Variants in SARS1 observed in about 807,000 individuals in gnomAD.
SARS1 encodes seryl-tRNA synthetase 1.
A neutral mutation model predicts 63.7 loss-of-function variants in SARS1; 25 were observed. That is an observed-to-expected ratio of 0.39 (90% CI 0.29 to 0.55). The LOEUF is 0.55. Ranked by LOEUF, SARS1 falls within the 20% of genes least tolerant of loss-of-function variation. The probability of loss-of-function intolerance (pLI) is 0.62; values close to 1 mark genes in which losing one functional copy is unlikely to be tolerated. For synonymous variants in SARS1, 231 were observed against 243.5 expected (o/e 0.95, Z 0.48); for missense variants, 417 against 649.7 (o/e 0.64, Z 3.89).
chr1:109,224,022 A>G lies in SARS1; in HGVS notation c.181A>G (p.Ser61Gly). 6.2e-7 allele frequency: 1 copy of G among 1,613,810 alleles called. No individual in the cohort carries two copies. The highest frequency in any genetic ancestry group is 8.5e-7 in the Non-Finnish European group (1 of 1,179,686). Residue 61 changes from serine to glycine, a missense_variant, in exon 2 of 11, where the codon AGC becomes GGC. Transcript: ENST00000234677. ...DNLNKLKNLC[S>G]KTIGEKMKKK... ...CTTGAACAAGCTGAAGAACCTATGC[A>G]GCAAGACAATCGGAGAGAAAATGAA... is the stretch of plus-strand genomic sequence containing the variant.
chr1:109,214,633 G>A lies in SARS1; in HGVS notation c.136+505G>A. 1.0e-6 allele frequency: 1 copy of A among 985,776 alleles called. No homozygotes were observed. 61.1% of individuals were successfully genotyped at this position (985,776 alleles called of 1,614,324 possible). A position where few individuals can be genotyped will look rare whatever the true frequency, so the allele number is the denominator to read the frequency against. On this transcript the variant is annotated intron_variant, in intron 1 of 10. Transcript: ENST00000234677. This position sits in a 1 kb window ranked among gnomAD's most constrained non-coding sequence, Gnocchi z 4.6. ...ATCGGAAGCATTTCGGGGCGTTGGA[G>A]GCCGCTCTTGGCCAAAATAAATGAC...
chr1:109,236,341 T>C (rs1013464221), intron 8 of SARS1, 50 bp from the exon 9 acceptor site: 11 of 1,549,000 alleles, frequency 7.1e-6, no homozygotes, highest in Non-Finnish European at 9.7e-6. Context: ...AAGGTTAGCC[T>C]TCTGAAATAC....
Position 109,237,880 on chromosome 1 carries a change from G to A in SARS1, c.1537G>A (p.Asp513Asn), listed in dbSNP as rs774591894. Reference sequence around the variant, plus strand: ...CAGGCTGCAGAACATGGAGGTCACCGATGCTTGAACATTCCTGCCTCCCTA... The same window carrying A: ...CAGGCTGCAGAACATGGAGGTCACCAATGCTTGAACATTCCTGCCTCCCTA... ...ENRLQNMEVT[D>N]A is the part of the protein sequence containing the mutation. The change falls in exon 11 of 11, where the codon GAT becomes AAT. Residue 513 changes from aspartate to asparagine, a missense_variant. Physicochemically the swap from Asp to Asn is conservative, Grantham distance 23. Around this residue, in one of 3 missense-constraint regions of SARS1, gnomAD observed 43 missense variants for 68.1 expected, o/e 0.63. Transcript: ENST00000234677. This position sits in a 1 kb window ranked among gnomAD's most constrained non-coding sequence, Gnocchi z 4.1. 12 of 1,614,012 alleles carry A rather than the reference G, an allele frequency of 7.4e-6. No homozygotes were observed. The East Asian group carries it at 8.9e-5, about 12-fold the overall frequency.
At chr1:109,224,186 T>C (rs1329241598) in intron 2 of SARS1, 138 bp downstream of exon 2, 6 of 675,334 alleles carry the variant, frequency 8.9e-6, no homozygotes, top group Non-Finnish European at 1.5e-5. Context: ...GGGGAAAATA[T>C]TATTTTAAAA....
At position 109,237,499 on chromosome 1, in the gene SARS1, C is replaced by T. The variant is rs1204905873; in HGVS notation, c.1387+126C>T. On this transcript the variant is annotated intron_variant, in intron 10 of 10. Coordinates refer to ENST00000234677, the MANE Select transcript of SARS1 (RefSeq NM_006513.4). This position sits in a 1 kb window ranked among gnomAD's most constrained non-coding sequence, Gnocchi z 4.1. ...CACAGCCCCTGAAACTCTGTCTGCC[C>T]TCTCGGGCTGGGCAGGGCAGGGGGC... 8 of 1,442,044 alleles carry T rather than the reference C, an allele frequency of 5.5e-6. No individual in the cohort carries two copies. Among genetic ancestry groups the T allele is most frequent in the Admixed American group, 2.0e-5 (1 of 49,126 alleles). The allele number at this position is 1,442,044 out of a possible 1,614,324, so 89.3% of individuals were successfully genotyped here.
At chr1:109,222,399 G>T (rs1299264389) in intron 1 of SARS1, among the ~76,000 whole-genome samples, 1 of 151,988 alleles carries the variant, frequency 6.6e-6, no homozygotes, top group Non-Finnish European at 1.5e-5. Flanking sequence ...GTGTAGTTCT[G>T]TGCAATCTTA....
Position 109,237,839 on chromosome 1 carries a change from A to G in SARS1, c.1496A>G (p.Asp499Gly), listed in dbSNP as rs1322953515. ...EGSKKKAAAR[D>G]VTLENRLQNM... ...AGCAAAAAGAAAGCAGCAGCAAGAG[A>G]CGTCACCCTAGAAAACAGGCTGCAG... The change falls in exon 11 of 11, where the codon GAC becomes GGC. Residue 499 changes from aspartate (D) to glycine (G), a missense_variant. Physicochemically the swap from Asp to Gly is moderately conservative, Grantham distance 94. This residue lies in a region of SARS1 where 43 missense variants were observed against 68.1 expected (regional missense o/e 0.63). Coordinates refer to ENST00000234677, the MANE Select transcript of SARS1 (RefSeq NM_006513.4). This position sits in a 1 kb window ranked among gnomAD's most constrained non-coding sequence, Gnocchi z 4.1. 4.3e-6 allele frequency: 7 copies of G among 1,614,198 alleles called. No individual in the cohort carries two copies. The highest frequency in any genetic ancestry group is 5.1e-6 in the Non-Finnish European group (6 of 1,180,042).
chr1:109,232,260 C>T (rs1242043570), intron 6 of SARS1, among the ~76,000 whole-genome samples: 2 of 152,168 alleles, frequency 1.3e-5, no homozygotes, highest in Non-Finnish European at 2.9e-5. Context: ...GTTTGTGGCT[C>T]CTTCTCAACC....
Position 109,237,514 on chromosome 1 carries a change from G to T in SARS1, c.1387+141G>T. The stretch of plus-strand genomic sequence containing the variant: ...TCTGTCTGCCCTCTCGGGCTGGGCA[G>T]GGCAGGGGGCCTGGTTGAGAAAGTA... On this transcript the variant is annotated intron_variant, in intron 10 of 10. Coordinates refer to ENST00000234677, the MANE Select transcript of SARS1 (RefSeq NM_006513.4). The surrounding 1 kb of genome is among the most constrained non-coding windows in gnomAD (Gnocchi z 4.1). 7.5e-7 allele frequency: 1 copy of T among 1,338,246 alleles called. No individual in the cohort carries two copies. The highest frequency in any genetic ancestry group is 2.5e-5 in the East Asian group (1 of 40,674). The allele number at this position is 1,338,246 out of a possible 1,614,324, so 82.9% of individuals were successfully genotyped here.
chr1:109,219,127 G>A lies in SARS1; in HGVS notation c.137-4851G>A, dbSNP rs562241440. Among the ~76,000 whole-genome samples, 542 of 151,070 alleles carry A rather than the reference G, an allele frequency of 3.6e-3. 2 individuals carry two copies. Among genetic ancestry groups the A allele is most frequent in the Non-Finnish European group, 5.5e-3 (371 of 67,704 alleles). On this transcript the variant is annotated intron_variant, in intron 1 of 10. Transcript: ENST00000234677. Reference sequence around the variant, plus strand: ...TAAAAATTCAAAAAATTAGCCGGGTGTGGTGGCGGGCGCCTGTAGTCCCAG... The same window carrying A: ...TAAAAATTCAAAAAATTAGCCGGGTATGGTGGCGGGCGCCTGTAGTCCCAG...
In SARS1 at chr1:109,235,109, A is replaced by T. The variant is rs1655281878; in HGVS notation, c.748-101A>T. 1.1e-6 allele frequency: 1 copy of T among 951,534 alleles called. No individual in the cohort carries two copies. Among genetic ancestry groups the T allele is most frequent in the Non-Finnish European group, 1.7e-6 (1 of 597,978 alleles). The allele number at this position is 951,534 out of a possible 1,614,324, so 58.9% of individuals were successfully genotyped here. A position where few individuals can be genotyped will look rare whatever the true frequency, so the allele number is the denominator to read the frequency against. ...CCACTCCCAGGCAGGGATTAAAGGA[A>T]ATTTTTCCTGCACTATTATTGATCT... On this transcript the variant is annotated intron_variant, in intron 6 of 10. Coordinates refer to ENST00000234677, the MANE Select transcript of SARS1 (RefSeq NM_006513.4). This position sits in a 1 kb window ranked among gnomAD's most constrained non-coding sequence, Gnocchi z 4.7.
At chr1:109,234,031 G>C (rs938560095) in intron 6 of SARS1, among the ~76,000 whole-genome samples, 4 of 151,392 alleles carry the variant, frequency 2.6e-5, no homozygotes, top group Non-Finnish European at 5.9e-5. Context: ...CACCATGCCC[G>C]ACTAATTTTT....
chr1:109,219,262 C>CATAGATATATATATAT (rs1654866078), intron 1 of SARS1, among the ~76,000 whole-genome samples: 1 of 76,936 alleles, frequency 1.3e-5, no homozygotes, highest in Non-Finnish European at 2.8e-5. Context: ...CAAGACTCTC[C>CATAGATATATATATAT]ATATATATAT....
Position 109,214,266 on chromosome 1 carries a change from C to T in SARS1, c.136+138C>T. 9.3e-7 allele frequency: 1 copy of T among 1,075,210 alleles called. No individual in the cohort carries two copies. The highest frequency in any genetic ancestry group is 1.3e-6 in the Non-Finnish European group (1 of 761,880). The allele number at this position is 1,075,210 out of a possible 1,614,324, so 66.6% of individuals were successfully genotyped here. On this transcript the variant is annotated intron_variant, in intron 1 of 10. Coordinates refer to ENST00000234677, the MANE Select transcript of SARS1 (RefSeq NM_006513.4). This position sits in a 1 kb window ranked among gnomAD's most constrained non-coding sequence, Gnocchi z 4.6. ...AGGGTGCGGTGGCTCCGAGGTTCTC[C>T]CCATCCCCGAAAACACAGCCTGGTC...
At chr1:109,226,697 T>TATATAC (rs1183766306) in intron 2 of SARS1, among the ~76,000 whole-genome samples, 30 of 104,122 alleles carry the variant, frequency 2.9e-4, no homozygotes, top group African/African-American at 1.1e-3. Flanking sequence ...TATATATATA[T>TATATAC]ACACACACAC....
Position 109,237,112 on chromosome 1 carries a change from A to C in SARS1, c.1258-132A>C, listed in dbSNP as rs1655327219. The C allele has an allele frequency of 1.4e-6, 2 of 1,402,288 alleles. No individual in the cohort carries two copies. The highest frequency in any genetic ancestry group is 1.4e-5 in the South Asian group (1 of 69,778). 86.9% of individuals were successfully genotyped at this position (1,402,288 alleles called of 1,614,324 possible). A position where few individuals can be genotyped will look rare whatever the true frequency, so the allele number is the denominator to read the frequency against. On this transcript the variant is annotated intron_variant, in intron 9 of 10. Transcript: ENST00000234677. This position sits in a 1 kb window ranked among gnomAD's most constrained non-coding sequence, Gnocchi z 4.1. Reference sequence around the variant, plus strand: ...ATTCAAATTTAGAAAAAAGTTGCTAAGGGGTAGAACCCATCATTTTGATTT... The same window carrying C: ...ATTCAAATTTAGAAAAAAGTTGCTACGGGGTAGAACCCATCATTTTGATTT...
chr1:109,217,990 G>C (rs1654830629), intron 1 of SARS1, among the ~76,000 whole-genome samples: 1 of 151,994 alleles, frequency 6.6e-6, no homozygotes, highest in African/African-American at 2.4e-5. Context: ...AGGAGATCGA[G>C]ACCATCCTGG....
At chr1:109,215,938 A>G (rs1185994296) in intron 1 of SARS1, 1 of 673,240 alleles carries the variant, frequency 1.5e-6, no homozygotes, top group African/African-American at 2.0e-5. Context: ...TCCTGACCTC[A>G]AGTGATCCGC....
At chr1:109,225,605 A>T (rs1655047160) in intron 2 of SARS1, among the ~76,000 whole-genome samples, 1 of 152,308 alleles carries the variant, frequency 6.6e-6, no homozygotes, top group African/African-American at 2.4e-5. Context: ...TGAAATGGTA[A>T]TGATAGTGCT....
Sources: allele counts gnomAD v4.1 joint callset (sites outside exome capture counted in the v4.1 genomes callset), GRCh38; gene constraint gnomAD v4.1.1; regional missense constraint gnomAD v4.1.1; non-coding constraint Gnocchi (gnomAD v3.1); transcripts MANE v1.5; gene names NCBI Gene and HGNC (gene_info 2026-07-23, HGNC 2026-07-21).